The following PTPRD variants were observed in gnomAD, a reference collection of about 807,000 sequenced individuals.
PTPRD encodes the protein receptor-type tyrosine-protein phosphatase delta.
A neutral mutation model predicts 214.5 loss-of-function variants in PTPRD; 34 were observed. That is an observed-to-expected ratio of 0.16 (90% CI 0.12 to 0.21). The LOEUF is 0.21. Ranked by LOEUF, PTPRD falls within the 10% of genes least tolerant of loss-of-function variation. The probability of loss-of-function intolerance (pLI) is 1.00; values close to 1 mark genes in which losing one functional copy is unlikely to be tolerated. For missense variants in PTPRD, 2,545 were observed against 2,398.7 expected (o/e 1.06, Z -1.27); for synonymous variants, 1,128 against 845.7 (o/e 1.33, Z -5.79).
At chr9:8,970,090 T>C (rs937390134) in intron 11 of PTPRD, among the ~76,000 whole-genome samples, 18 of 151,908 alleles carry the variant, frequency 1.2e-4, no homozygotes, top group African/African-American at 4.1e-4. Flanking sequence ...CTAAAGGGTA[T>C]GTGGAGTTGC....
intron 11 of PTPRD, among the ~76,000 whole-genome samples, chr9:8,822,371 A>T (rs1255065106): frequency 2.0e-5 from 3 of 152,226 alleles, no homozygotes; most frequent in Admixed American, 2.0e-4. Context: ...CTGGAAATAA[A>T]ATGTTAAAGT....
intron 4 of PTPRD, among the ~76,000 whole-genome samples, chr9:9,960,144 T>G (rs1252423320): frequency 6.8e-6 from 1 of 146,468 alleles, no homozygotes; most frequent in East Asian, 2.0e-4. Flanking sequence ...GAACAACCAG[T>G]AGTGGCAGAA....
In PTPRD at chr9:9,615,244, T is replaced by C. The variant is rs1161911429; in HGVS notation, c.-286-40463A>G. ...GCTCACAACACCAAGTAGTTGCTCC[T>C]CCTGCCAGGTGCAGGCTCTGAAAAC... is the stretch of plus-strand genomic sequence containing the variant. On this transcript the variant is annotated intron_variant, in intron 7 of 45. Transcript: ENST00000381196. Among the ~76,000 whole-genome samples the C allele has an allele frequency of 2.0e-5, 3 of 152,212 alleles. No homozygotes were observed. In the South Asian group the frequency reaches 6.2e-4, roughly 32 times the overall value.
intron 4 of PTPRD, among the ~76,000 whole-genome samples, chr9:9,946,527 C>T (rs952966096): frequency 6.6e-6 from 1 of 152,052 alleles, no homozygotes; most frequent in African/African-American, 2.4e-5. Flanking sequence ...AGTAGGGATC[C>T]ACTTCTGATT....
At chr9:10,438,412 A>G (rs1414033888) in intron 2 of PTPRD, among the ~76,000 whole-genome samples, 1 of 151,718 alleles carries the variant, frequency 6.6e-6, no homozygotes, top group Non-Finnish European at 1.5e-5. Flanking sequence ...ATCCCATTGT[A>G]AATAGAGGAG....
intron 3 of PTPRD, among the ~76,000 whole-genome samples, chr9:10,263,224 G>A (rs992146932): frequency 6.6e-6 from 1 of 152,174 alleles, no homozygotes; most frequent in Non-Finnish European, 1.5e-5. Context: ...TTGCTGTAAA[G>A]TTACCTGAAA....
intron 11 of PTPRD, among the ~76,000 whole-genome samples, chr9:8,999,854 G>T (rs369423569): frequency 6.6e-6 from 1 of 152,000 alleles, no homozygotes; most frequent in South Asian, 2.1e-4. Flanking sequence ...TGAGCTTTGT[G>T]GAACAGGGGG....
intron 9 of PTPRD, among the ~76,000 whole-genome samples, chr9:9,236,322 T>C (rs1252086018): frequency 1.3e-5 from 2 of 152,184 alleles, no homozygotes; most frequent in Middle Eastern, 3.4e-3. Context: ...CAAACAACTA[T>C]ATTTCTGATA....
chr9:10,164,607 G>T (rs892182200), intron 3 of PTPRD, among the ~76,000 whole-genome samples: 1 of 151,570 alleles, frequency 6.6e-6, no homozygotes, highest in Non-Finnish European at 1.5e-5. Flanking sequence ...AATTATATGT[G>T]ATTTGCATCG....
chr9:10,298,776 A>T (rs1164739473), intron 3 of PTPRD, among the ~76,000 whole-genome samples: 1 of 152,066 alleles, frequency 6.6e-6, no homozygotes, highest in African/African-American at 2.4e-5. Context: ...TATTATTGTC[A>T]CTGAAAGGCA....
chr9:9,666,003 A>G (rs2096714461), intron 7 of PTPRD, among the ~76,000 whole-genome samples: 1 of 151,950 alleles, frequency 6.6e-6, no homozygotes, highest in African/African-American at 2.4e-5. Context: ...CCAGTTTGAA[A>G]TAAGTGTTCT....
intron 7 of PTPRD, among the ~76,000 whole-genome samples, chr9:9,651,830 T>TTG (rs1554778463): frequency 8.0e-6 from 1 of 124,870 alleles, no homozygotes; most frequent in Non-Finnish European, 1.7e-5. Context: ...AGGTTTGTTT[T>TTG]TTTTTTTTTT....
intron 9 of PTPRD, among the ~76,000 whole-genome samples, chr9:9,293,656 A>G (rs1951980636): frequency 2.0e-5 from 3 of 151,544 alleles, no homozygotes; most frequent in Admixed American, 1.3e-4. Flanking sequence ...ATCCTTCTTC[A>G]GGGATATCTT....
chr9:10,319,500 G>A (rs1473356803), intron 3 of PTPRD, among the ~76,000 whole-genome samples: 3 of 151,950 alleles, frequency 2.0e-5, no homozygotes, highest in African/African-American at 7.3e-5. Flanking sequence ...AAAAATCTCT[G>A]GATCATATTT....
At chr9:8,422,561 C>A (rs756243126) in intron 35 of PTPRD, among the ~76,000 whole-genome samples, 46 of 152,108 alleles carry the variant, frequency 3.0e-4, no homozygotes, top group Non-Finnish European at 5.9e-4. Flanking sequence ...AAAATAACAG[C>A]AGTGAACGAG....
Position 9,840,142 on chromosome 9 carries a change from A to T in PTPRD, c.-367-73291T>A, listed in dbSNP as rs571965803. ...AACTTCCACCTCCCGGGTTCAAGTG[A>T]TTCTCCTGTCGCAGCCTTCCAAGTA... On this transcript the variant is annotated intron_variant, in intron 5 of 45. Transcript: ENST00000381196. Among the ~76,000 whole-genome samples the T allele has an allele frequency of 1.3e-3, 198 of 152,028 alleles. 1 individual carries two copies. The highest frequency in any genetic ancestry group is 2.3e-3 in the Non-Finnish European group (158 of 67,994).
At chr9:9,877,167 T>C (rs1600614157) in intron 5 of PTPRD, among the ~76,000 whole-genome samples, 2 of 152,212 alleles carry the variant, frequency 1.3e-5, no homozygotes, top group African/African-American at 4.8e-5. Flanking sequence ...GTGGTAGCAC[T>C]TCAGTATGGA....
intron 12 of PTPRD, among the ~76,000 whole-genome samples, chr9:8,707,480 G>A (rs968545226): frequency 3.9e-5 from 6 of 152,200 alleles, no homozygotes; most frequent in Non-Finnish European, 5.9e-5. Flanking sequence ...AAGTAGCAGT[G>A]TTTCTTGATT....
chr9:9,038,201 G>A (rs2099628013), intron 10 of PTPRD, among the ~76,000 whole-genome samples: 1 of 152,050 alleles, frequency 6.6e-6, no homozygotes, highest in South Asian at 2.1e-4. Context: ...AAAAAAGATT[G>A]TGGGTGAGCA....
Sources: allele counts gnomAD v4.1 joint callset (sites outside exome capture counted in the v4.1 genomes callset), GRCh38; gene constraint gnomAD v4.1.1; transcripts MANE v1.5; gene names NCBI Gene and HGNC (gene_info 2026-07-23, HGNC 2026-07-21).